Variants in GNB1L observed in about 807,000 individuals in gnomAD.
The protein encoded by GNB1L is guanine nucleotide-binding protein subunit beta-like protein 1.
In GNB1L, 20 loss-of-function variants were observed where a neutral mutation model predicts 29.1. The observed-to-expected ratio is 0.69, with a 90% CI of 0.48 to 1.00. GNB1L has a LOEUF of 1.00. Among genes scored for constraint, GNB1L ranks in the 50% least tolerant of loss-of-function variants. The probability of loss-of-function intolerance (pLI) is 0.00; values close to 1 mark genes in which losing one functional copy is unlikely to be tolerated. For synonymous variants in GNB1L, 193 were observed against 206.5 expected (o/e 0.93, Z 0.56); for missense variants, 421 against 464.9 (o/e 0.91, Z 0.87).
In GNB1L at chr22:19,785,867, T is replaced by C. The variant is rs1937188308; in HGVS notation, c.*2842A>G. 1 of 152,326 alleles carries C rather than the reference T, an allele frequency of 6.6e-6. No individual in the cohort carries two copies. Among genetic ancestry groups the C allele is most frequent in the African/African-American group, 2.4e-5 (1 of 41,466 alleles). 9.4% of individuals were successfully genotyped at this position (152,326 alleles called of 1,614,324 possible). On this transcript the variant is annotated 3_prime_UTR_variant, in exon 8 of 8. Coordinates refer to ENST00000329517, the MANE Select transcript of GNB1L (RefSeq NM_053004.3). The surrounding 1 kb of genome is among the most constrained non-coding windows in gnomAD (Gnocchi z 4.1). Reference sequence around the variant, plus strand: ...TCTTCTGTTGTGGGGGTTTCAAGGCTGGTCAGACGCATGGTGATTCATCAC... The same window carrying C: ...TCTTCTGTTGTGGGGGTTTCAAGGCCGGTCAGACGCATGGTGATTCATCAC...
intron 2 of GNB1L, among the ~76,000 whole-genome samples, chr22:19,843,457 C>T (rs941601656): frequency 1.3e-5 from 2 of 152,186 alleles, no homozygotes; most frequent in African/African-American, 2.4e-5. Flanking sequence ...AGCCAGGCAC[C>T]GCCCCCCGGG....
In GNB1L at chr22:19,784,744, G is replaced by A. The variant is rs917116308; in HGVS notation, c.*3965C>T. On this transcript the variant is annotated 3_prime_UTR_variant, in exon 8 of 8. Transcript: ENST00000329517. ...GCGTCCCTGCACACAGCTGCCCACC[G>A]GCCAGTGGAGTGGGACCTGCTGCCC... 6.6e-6 allele frequency: 1 copy of A among 152,200 alleles called. No individual in the cohort carries two copies. The highest frequency in any genetic ancestry group is 1.5e-5 in the Non-Finnish European group (1 of 68,026). 9.4% of individuals were successfully genotyped at this position (152,200 alleles called of 1,614,324 possible).
At chr22:19,790,375 G>C (rs1382417146) in intron 7 of GNB1L, among the ~76,000 whole-genome samples, 1 of 152,140 alleles carries the variant, frequency 6.6e-6, no homozygotes, top group East Asian at 1.9e-4. Flanking sequence ...AGATATAATA[G>C]TCAACCTCAT....
intron 7 of GNB1L, among the ~76,000 whole-genome samples, chr22:19,799,100 G>A (rs1190523861): frequency 1.3e-5 from 2 of 152,226 alleles, no homozygotes; most frequent in East Asian, 1.9e-4. Context: ...GAGCGCAGCT[G>A]GGACACCTGG....
At chr22:19,833,152 G>A (rs1937708746) in intron 2 of GNB1L, among the ~76,000 whole-genome samples, 1 of 152,176 alleles carries the variant, frequency 6.6e-6, no homozygotes, top group Non-Finnish European at 1.5e-5. Flanking sequence ...CCCGGAAAAT[G>A]AGACCAACTC....
intron 2 of GNB1L, among the ~76,000 whole-genome samples, chr22:19,822,966 G>A (rs1171400520): frequency 6.6e-6 from 1 of 152,194 alleles, no homozygotes; most frequent in Non-Finnish European, 1.5e-5. Context: ...CTGCCAAGGT[G>A]TCCTGCAGAG....
intron 7 of GNB1L, chr22:19,792,302 A>AGGAAAGAAGGCCAAG (rs1384136232): frequency 2.6e-6 from 2 of 777,264 alleles, no homozygotes; most frequent in East Asian, 2.6e-5. Flanking sequence ...AGATGCCAAA[A>AGGAAAGAAGGCCAAG]GGAAAGAAGG....
At chr22:19,841,453 C>A (rs1247335403) in intron 2 of GNB1L, among the ~76,000 whole-genome samples, 1 of 152,060 alleles carries the variant, frequency 6.6e-6, no homozygotes, top group Non-Finnish European at 1.5e-5. Flanking sequence ...CATAGCAAGA[C>A]CCCCATCTCT....
intron 2 of GNB1L, chr22:19,848,852 G>A (rs1401869107): frequency 1.0e-6 from 1 of 985,348 alleles, no homozygotes; most frequent in Admixed American, 6.1e-5. Flanking sequence ...CCACTAAAGG[G>A]AGATGGGGAA....
chr22:19,785,135 C>T lies in GNB1L; in HGVS notation c.*3574G>A, dbSNP rs1486758383. 1 of 152,240 alleles carries T rather than the reference C, an allele frequency of 6.6e-6. No homozygotes were observed. The highest frequency in any genetic ancestry group is 1.9e-4 in the East Asian group (1 of 5,194). 9.4% of individuals were successfully genotyped at this position (152,240 alleles called of 1,614,324 possible). A position where few individuals can be genotyped will look rare whatever the true frequency, so the allele number is the denominator to read the frequency against. On this transcript the variant is annotated 3_prime_UTR_variant, in exon 8 of 8. Transcript: ENST00000329517. The surrounding 1 kb of genome is among the most constrained non-coding windows in gnomAD (Gnocchi z 4.1). ...GTGGGCCGGGCGCAGTGGCTCAGGC[C>T]TATAATTCTAGTGCTTTGGGAGGCT...
rs201666394 is a variant in GNB1L at position 19,788,866 on chromosome 22, C to T, written c.827G>A (p.Arg276His). The T allele has an allele frequency of 1.8e-5, 29 of 1,612,834 alleles. No individual in the cohort carries two copies. In the African/African-American group the frequency reaches 3.1e-4, roughly 17 times the overall value. ...KILATAGWDH[R>H]IRVFHWRTMQ... Reference sequence around the variant, plus strand: ...CGTCCGCCAGTGGAACACGCGGATGCGGTGGTCCCAGCCTGCGGTGGCCAG... The same window carrying T: ...CGTCCGCCAGTGGAACACGCGGATGTGGTGGTCCCAGCCTGCGGTGGCCAG... Residue 276 changes from arginine to histidine, a missense_variant, in exon 8 of 8, where the codon CGC becomes CAC. Physicochemically the swap from Arg to His is conservative, Grantham distance 29. Transcript: ENST00000329517.
rs1937436695 is a variant in GNB1L at position 19,806,547 on chromosome 22, G to GGGGGT, written c.516+107_516+111dup. ...CAGCTGCACAGGTTCCCTGCGGCAG[G>GGGGGT]GGGGTGGGGTGTTGCCTGAGTGGCT... On this transcript the variant is annotated intron_variant, in intron 6 of 7. Transcript: ENST00000329517. The GGGGGT allele has an allele frequency of 4.5e-6, 3 of 661,632 alleles. No homozygotes were observed. In the East Asian group the frequency reaches 8.2e-5, roughly 18 times the overall value. The allele number at this position is 661,632 out of a possible 1,614,324, so 41.0% of individuals were successfully genotyped here.
chr22:19,812,987 G>A (rs566895374), intron 4 of GNB1L, among the ~76,000 whole-genome samples: 5 of 152,316 alleles, frequency 3.3e-5, no homozygotes, highest in African/African-American at 7.2e-5. Context: ...CTCTCCACGC[G>A]TACACCTGGT....
chr22:19,845,765 C>T (rs528188642), intron 2 of GNB1L, among the ~76,000 whole-genome samples: 138 of 151,806 alleles, frequency 9.1e-4, no homozygotes, highest in African/African-American at 3.3e-3. Flanking sequence ...AGCGACAAGG[C>T]ACCCCCGAGG....
chr22:19,803,070 CA>C (rs1684913527), intron 6 of GNB1L, among the ~76,000 whole-genome samples: 2 of 152,232 alleles, frequency 1.3e-5, no homozygotes, highest in Non-Finnish European at 2.9e-5. Context: ...TCAGACACCA[CA>C]AGGACCAGGG....
intron 2 of GNB1L, chr22:19,847,004 G>A: frequency 1.0e-6 from 1 of 985,460 alleles, no homozygotes; most frequent in Non-Finnish European, 1.2e-6. Flanking sequence ...GTGGCTGCTT[G>A]TACTTCTCCA....
Position 19,783,373 on chromosome 22 carries a change from T to A in GNB1L, c.*5336A>T, listed in dbSNP as rs1009727340. The A allele has an allele frequency of 1.1e-5, 4 of 351,680 alleles. No homozygotes were observed. The highest frequency in any genetic ancestry group is 8.5e-5 in the African/African-American group (4 of 46,936). The allele number at this position is 351,680 out of a possible 1,614,324, so 21.8% of individuals were successfully genotyped here. On this transcript the variant is annotated 3_prime_UTR_variant, in exon 8 of 8. Transcript: ENST00000329517. ...TGCAAGAGGTGGCAGGGGACAGATG[T>A]GCTGCTGTTCCCAGGCCACCTGCAC...
At chr22:19,840,217 C>T (rs1198621133) in intron 2 of GNB1L, among the ~76,000 whole-genome samples, 2 of 152,060 alleles carry the variant, frequency 1.3e-5, no homozygotes, top group Non-Finnish European at 1.5e-5. Flanking sequence ...GAGCTAGTGT[C>T]GTAATAAAAT....
intron 4 of GNB1L, among the ~76,000 whole-genome samples, chr22:19,817,243 C>T (rs554401063): frequency 1.2e-3 from 179 of 152,346 alleles, no homozygotes; most frequent in African/African-American, 3.8e-3. Context: ...AATCCCAGCA[C>T]TTTGGGACGC....
Sources: gnomAD v4.1 joint callset for allele counts (sites outside exome capture counted in the v4.1 genomes callset) on GRCh38, gnomAD v4.1.1 for gene constraint, Gnocchi (gnomAD v3.1) non-coding constraint, MANE v1.5 for transcripts, NCBI Gene and HGNC (gene_info 2026-07-23, HGNC 2026-07-21) for gene names.